SHISA9: variants seen among roughly 807,000 people sequenced by gnomAD.
SHISA9 encodes shisa family member 9.
In SHISA9, 13 loss-of-function variants were observed where a neutral mutation model predicts 38.0. The ratio of observed to expected loss-of-function variants is 0.34; its 90% confidence interval spans 0.22 to 0.54. SHISA9 has a LOEUF of 0.54. Among genes scored for constraint, SHISA9 ranks in the 20% least tolerant of loss-of-function variants. The pLI, the probability that SHISA9 is intolerant of heterozygous loss-of-function variation, is 0.91. For synonymous variants in SHISA9, 275 were observed against 242.0 expected, an observed-to-expected ratio of 1.14 and a Z score of -1.27; for missense variants, 538 against 575.8, an observed-to-expected ratio of 0.93 and a Z score of 0.67.
chr16:13,173,610 T>C (rs2050707590), intron 2 of SHISA9, among the ~76,000 whole-genome samples: 1 of 152,142 alleles, frequency 6.6e-6, no homozygotes, highest in Non-Finnish European at 1.5e-5. Context: ...ACATTTTTGG[T>C]TGTCACAACT....
rs946064192 is a variant in SHISA9, at chr16:13,214,376, A to AT, written c.895+1087dup. Among the ~76,000 whole-genome samples the AT allele has an allele frequency of 8.6e-4, 127 of 147,818 alleles. 1 individual carries two copies. The East Asian group carries it at 9.9e-3, about 12-fold the overall frequency. On this transcript the variant is annotated intron_variant, in intron 4 of 4. Transcript: ENST00000558583. ...GCCACCGTGCCCAGCTAATTTTTGA[A>AT]TTTTTTTTTTTAGTAGAAACGGGGT...
chr16:13,383,478 A>C, the SHISA9 span, among the ~76,000 whole-genome samples: 1 of 152,216 alleles, frequency 6.6e-6, no homozygotes, highest in Non-Finnish European at 1.5e-5. Flanking sequence ...GAGAAAGACA[A>C]ATGAGTGCTT....
intron 3 of SHISA9, among the ~76,000 whole-genome samples, chr16:13,211,230 G>T (rs4781434): frequency 4.0e-5 from 6 of 151,778 alleles, no homozygotes; most frequent in African/African-American, 1.5e-4. Context: ...CCGGGGGGCA[G>T]TGGGGGTGGA....
chr16:13,341,937 G>A, the SHISA9 span, among the ~76,000 whole-genome samples: 3,528 of 152,144 alleles, frequency 0.023, 136 homozygotes, highest in African/African-American at 0.079. Flanking sequence ...CCACCCAGTT[G>A]CCTAAGCCAA....
At chr16:13,506,996 T>G in the SHISA9 span, among the ~76,000 whole-genome samples, 16 of 151,934 alleles carry the variant, frequency 1.1e-4, no homozygotes, top group Non-Finnish European at 4.4e-5. Context: ...TGAGCTATGA[T>G]TGTACCACTG....
At chr16:13,489,167 C>A in the SHISA9 span, among the ~76,000 whole-genome samples, 2 of 152,146 alleles carry the variant, frequency 1.3e-5, no homozygotes, top group Non-Finnish European at 2.9e-5. Context: ...CTGCCTAGGC[C>A]TCCTGAAGTA....
the SHISA9 span, among the ~76,000 whole-genome samples, chr16:13,558,938 G>A: frequency 1.3e-5 from 2 of 152,090 alleles, no homozygotes; most frequent in African/African-American, 4.8e-5. Context: ...TTGATTCGGG[G>A]GTTACAAATA....
rs2071858412 is a variant in SHISA9, at chr16:12,957,943, C to G, written c.691+41128C>G. Among the ~76,000 whole-genome samples, 6 of 152,138 alleles carry G rather than the reference C, an allele frequency of 3.9e-5. No homozygotes were observed. In the South Asian group the frequency reaches 1.2e-3, roughly 32 times the overall value. On this transcript the variant is annotated intron_variant, in intron 2 of 4. Coordinates refer to ENST00000558583, the MANE Select transcript of SHISA9 (RefSeq NM_001145204.3). ...AGCAAGGGGGCTCGACTTTCAAGAC[C>G]TTATTTAAGCCTAATGACCTCCCCA... is the stretch of plus-strand genomic sequence containing the variant.
chr16:13,161,070 C>T (rs1213640319), intron 2 of SHISA9, among the ~76,000 whole-genome samples: 2 of 152,130 alleles, frequency 1.3e-5, no homozygotes, highest in Non-Finnish European at 2.9e-5. Context: ...TGGTTAGAAC[C>T]AAAGACTTAT....
At chr16:13,026,060 C>T (rs1381807556) in intron 2 of SHISA9, among the ~76,000 whole-genome samples, 1 of 152,196 alleles carries the variant, frequency 6.6e-6, no homozygotes, top group Non-Finnish European at 1.5e-5. Flanking sequence ...CAGCCTCAGC[C>T]TCCCAAAGTG....
At position 12,986,717 on chromosome 16, in the gene SHISA9, C is replaced by T. The variant is rs182733417; in HGVS notation, c.691+69902C>T. ...ACAGCTAACATTTAGGAAACACTAA[C>T]TGTACCAGCCATGGTTCTGAGGGTT... On this transcript the variant is annotated intron_variant, in intron 2 of 4. Coordinates refer to ENST00000558583, the MANE Select transcript of SHISA9 (RefSeq NM_001145204.3). Among the ~76,000 whole-genome samples, 297 of 152,348 alleles carry T rather than the reference C, an allele frequency of 1.9e-3. 2 individuals carry two copies. The highest frequency in any genetic ancestry group is 6.5e-3 in the African/African-American group (271 of 41,584).
At chr16:12,945,934 C>T (rs150599364) in intron 2 of SHISA9, among the ~76,000 whole-genome samples, 18 of 152,120 alleles carry the variant, frequency 1.2e-4, no homozygotes, top group Admixed American at 8.5e-4. Context: ...GCCAACATGG[C>T]GAAACCCTAC....
intron 2 of SHISA9, among the ~76,000 whole-genome samples, chr16:13,160,526 A>G (rs2050585849): frequency 6.6e-6 from 1 of 152,180 alleles, no homozygotes; most frequent in South Asian, 2.1e-4. Context: ...CTGAATGCAG[A>G]CTGTGAGGTT....
intron 2 of SHISA9, among the ~76,000 whole-genome samples, chr16:12,968,886 G>T (rs1220408583): frequency 1.3e-5 from 2 of 152,168 alleles, no homozygotes; most frequent in African/African-American, 4.8e-5. Flanking sequence ...GGAGGTGCAG[G>T]CTGGGCATGG....
the SHISA9 span, among the ~76,000 whole-genome samples, chr16:13,310,638 G>T: frequency 4.7e-5 from 7 of 150,236 alleles, no homozygotes; most frequent in East Asian, 1.4e-3. Context: ...TGAATGTTTG[G>T]TCTAAATTCT....
chr16:13,495,293 C>A, the SHISA9 span, among the ~76,000 whole-genome samples: 1 of 152,030 alleles, frequency 6.6e-6, no homozygotes, highest in African/African-American at 2.4e-5. Context: ...GGTCAATTTC[C>A]TAGTTTTGAT....
the SHISA9 span, among the ~76,000 whole-genome samples, chr16:13,311,990 C>A: frequency 3.3e-5 from 5 of 152,240 alleles, no homozygotes; most frequent in East Asian, 9.6e-4. Context: ...AAAGTGTATG[C>A]CCAGTGGCTT....
At chr16:13,402,379 T>G in the SHISA9 span, among the ~76,000 whole-genome samples, 19 of 152,118 alleles carry the variant, frequency 1.2e-4, no homozygotes, top group East Asian at 3.5e-3. Flanking sequence ...CAACTCAGAG[T>G]TCTGATGCAC....
chr16:13,435,239 T>C, the SHISA9 span, among the ~76,000 whole-genome samples: 2 of 150,786 alleles, frequency 1.3e-5, no homozygotes, highest in Admixed American at 6.6e-5. Flanking sequence ...TTTTTTTTTT[T>C]CAGTAAATGT....
Sources: allele counts gnomAD v4.1 joint callset (sites outside exome capture counted in the v4.1 genomes callset), GRCh38; gene constraint gnomAD v4.1.1; transcripts MANE v1.5; gene names NCBI Gene and HGNC (gene_info 2026-07-23, HGNC 2026-07-21).